The following FARP1 variants were observed in gnomAD, a reference collection of about 807,000 sequenced individuals.
FARP1 encodes FERM, ARHGEF and pleckstrin domain-containing protein 1.
FARP1 carries 52 observed loss-of-function variants against 128.8 expected under a neutral mutation model. The observed-to-expected ratio is 0.40, with a 90% CI of 0.32 to 0.51. The LOEUF (loss-of-function observed/expected upper bound fraction) is 0.51, where lower values mean the gene tolerates loss of function less well. FARP1 is among the 20% of genes least tolerant of loss of function. FARP1 has a pLI of 0.45. For synonymous variants in FARP1, 580 were observed against 551.8 expected (o/e 1.05, Z -0.72); for missense variants, 1,333 against 1,367.9 (o/e 0.97, Z 0.40).
chr13:98,214,219 C>T (rs1880922791), intron 2 of FARP1, among the ~76,000 whole-genome samples: 1 of 152,222 alleles, frequency 6.6e-6, no homozygotes, highest in Non-Finnish European at 1.5e-5. Flanking sequence ...GAGAAGCTGC[C>T]GCCTGCTTCG....
chr13:98,448,073 C>T (rs532665889), intron 26 of FARP1, 163 bp from the exon 27 acceptor site: 1 of 654,930 alleles, frequency 1.5e-6, no homozygotes, highest in East Asian at 2.7e-5. Context: ...CACTGTACCT[C>T]AGGAACGCCT....
At position 98,305,405 on chromosome 13, in the gene FARP1, G is replaced by A. The variant is rs937306877; in HGVS notation, c.172-38357G>A. ...TGCAAAGACGTGATCTCAGCTCACC[G>A]CAGCCTCCATCTCCACCTCCTGGGT... On this transcript the variant is annotated intron_variant, in intron 2 of 26. Transcript: ENST00000319562. Among the ~76,000 whole-genome samples the A allele has an allele frequency of 4.0e-5, 6 of 151,394 alleles. No individual in the cohort carries two copies. In the South Asian group the frequency reaches 6.3e-4, roughly 16 times the overall value.
intron 2 of FARP1, among the ~76,000 whole-genome samples, chr13:98,238,447 C>T (rs1488570526): frequency 6.6e-6 from 1 of 152,142 alleles, no homozygotes; most frequent in Non-Finnish European, 1.5e-5. Flanking sequence ...ATTCCGTTCT[C>T]ATGGTGCTAA....
At chr13:98,209,841 G>GGGT (rs1865909556) in intron 1 of FARP1, among the ~76,000 whole-genome samples, 1 of 145,786 alleles carries the variant, frequency 6.9e-6, no homozygotes, top group African/African-American at 2.6e-5. Flanking sequence ...AAAAAGCCGG[G>GGGT]GGTGGTGGTG....
intron 11 of FARP1, 134 bp downstream of exon 11, chr13:98,391,014 C>A: frequency 1.5e-6 from 1 of 668,638 alleles, no homozygotes; most frequent in East Asian, 2.6e-5. Flanking sequence ...TAGTCTCAGT[C>A]ATCCTCAGCA....
At chr13:98,239,309 G>T (rs1226233541) in intron 2 of FARP1, among the ~76,000 whole-genome samples, 1 of 152,170 alleles carries the variant, frequency 6.6e-6, no homozygotes, top group East Asian at 1.9e-4. Context: ...AAAAACTGGA[G>T]CCCACATCCA....
chr13:98,315,907 C>T (rs1425358245), intron 2 of FARP1, among the ~76,000 whole-genome samples: 1 of 152,148 alleles, frequency 6.6e-6, no homozygotes, highest in Non-Finnish European at 1.5e-5. Context: ...CATTTTTCAG[C>T]GTCTTATTGT....
chr13:98,185,395 A>G (rs1180737088), intron 1 of FARP1, among the ~76,000 whole-genome samples: 3 of 152,126 alleles, frequency 2.0e-5, no homozygotes, highest in South Asian at 2.1e-4. Context: ...AAAGCTCTCT[A>G]TGGTTGGTTC....
At chr13:98,311,559 G>GTGTGCA (rs1566862902) in intron 2 of FARP1, among the ~76,000 whole-genome samples, 1 of 126,304 alleles carries the variant, frequency 7.9e-6, no homozygotes, top group African/African-American at 2.5e-5. Context: ...CTGTGTGTGT[G>GTGTGCA]TGTGCATGTG....
intron 2 of FARP1, among the ~76,000 whole-genome samples, chr13:98,299,010 G>A (rs905915739): frequency 5.9e-5 from 9 of 152,200 alleles, no homozygotes; most frequent in South Asian, 4.1e-4. Flanking sequence ...GCTATCTGGC[G>A]GGAGGGATGG....
chr13:98,418,454 T>C (rs1178065916), intron 16 of FARP1, among the ~76,000 whole-genome samples: 2 of 152,216 alleles, frequency 1.3e-5, no homozygotes, highest in African/African-American at 4.8e-5. Context: ...TTTGTATTTT[T>C]AGTAGAGAAG....
intron 2 of FARP1, among the ~76,000 whole-genome samples, chr13:98,275,118 G>A (rs116561229): frequency 0.01 from 1,543 of 152,276 alleles, 31 homozygotes; most frequent in African/African-American, 0.036. Flanking sequence ...TCTGTGAGAG[G>A]TCTGAGGCTG....
rs1219924560 is a variant in FARP1, at chr13:98,224,159, T to C, written c.171+10746T>C. 6.6e-5 allele frequency among the ~76,000 whole-genome samples: 10 copies of C among 152,272 alleles called. No individual in the cohort carries two copies. In the East Asian group the frequency reaches 1.9e-3, roughly 29 times the overall value. On this transcript the variant is annotated intron_variant, in intron 2 of 26. Coordinates refer to ENST00000319562, the MANE Select transcript of FARP1 (RefSeq NM_005766.4). ...GTTGTTAGGTTATCACAACAATACCTTTTTTCATGTTTGAAAGCTGAATTA... is the reference window on the plus strand; with the variant it reads ...GTTGTTAGGTTATCACAACAATACCCTTTTTCATGTTTGAAAGCTGAATTA...
chr13:98,380,621 T>G (rs1365848658), intron 6 of FARP1, among the ~76,000 whole-genome samples: 1 of 152,214 alleles, frequency 6.6e-6, no homozygotes, highest in African/African-American at 2.4e-5. Flanking sequence ...TCACCCAGAT[T>G]GGAGCGTAGT....
At chr13:98,279,908 G>A (rs61970244) in intron 2 of FARP1, among the ~76,000 whole-genome samples, 3 of 151,972 alleles carry the variant, frequency 2.0e-5, no homozygotes, top group Admixed American at 2.0e-4. Flanking sequence ...TCTGTCTTCC[G>A]GGTCTCCCCC....
chr13:98,289,064 T>C (rs1235929639), intron 2 of FARP1, among the ~76,000 whole-genome samples: 1 of 151,660 alleles, frequency 6.6e-6, no homozygotes, highest in East Asian at 1.9e-4. Flanking sequence ...TGTACTCAAA[T>C]ATTCAATGTC....
chr13:98,317,722 A>G (rs1394057656), intron 2 of FARP1, among the ~76,000 whole-genome samples: 2 of 152,118 alleles, frequency 1.3e-5, no homozygotes, highest in East Asian at 1.9e-4. Context: ...ACAGAATTGT[A>G]TTTGCTCACA....
intron 16 of FARP1, among the ~76,000 whole-genome samples, chr13:98,422,778 C>T (rs1891640409): frequency 6.6e-6 from 1 of 152,106 alleles, no homozygotes; most frequent in Non-Finnish European, 1.5e-5. Flanking sequence ...GAGATTGAGT[C>T]AACAGTCAGG....
At position 98,246,297 on chromosome 13, in the gene FARP1, G is replaced by A. The variant is rs1487792396; in HGVS notation, c.171+32884G>A. 1.7e-3 allele frequency among the ~76,000 whole-genome samples: 223 copies of A among 132,958 alleles called. 2 individuals carry two copies. The highest frequency in any genetic ancestry group is 6.1e-3 in the African/African-American group (215 of 35,048). 87.2% of individuals were successfully genotyped at this position (132,958 alleles called of 152,430 possible). On this transcript the variant is annotated intron_variant, in intron 2 of 26. Coordinates refer to ENST00000319562, the MANE Select transcript of FARP1 (RefSeq NM_005766.4). ...TTTTTAGTAGAGACGGGGTTTCACCGTGTTAGCCAGGATGGTCTCGATCTC... is the reference window on the plus strand; with the variant it reads ...TTTTTAGTAGAGACGGGGTTTCACCATGTTAGCCAGGATGGTCTCGATCTC...
Sources: gnomAD v4.1 joint callset for allele counts (sites outside exome capture counted in the v4.1 genomes callset) on GRCh38, gnomAD v4.1.1 for gene constraint, MANE v1.5 for transcripts, NCBI Gene and HGNC (gene_info 2026-07-23, HGNC 2026-07-21) for gene names.